Variants in GRIK1 observed in about 807,000 individuals in gnomAD.
The protein encoded by GRIK1 is glutamate ionotropic receptor kainate type subunit 1.
A neutral mutation model predicts 105.7 loss-of-function variants in GRIK1; 69 were observed. That is an observed-to-expected ratio of 0.65 (90% confidence interval 0.54 to 0.80). The LOEUF (loss-of-function observed/expected upper bound fraction) is 0.80, where lower values mean the gene tolerates loss of function less well. GRIK1 is among the 30% of genes least tolerant of loss of function. The pLI is 0.00. For missense variants in GRIK1, 1,109 were observed against 1,167.3 expected, an observed-to-expected ratio of 0.95 and a Z score of 0.73; for synonymous variants, 438 against 431.3, an observed-to-expected ratio of 1.02 and a Z score of -0.19.
intron 1 of GRIK1, among the ~76,000 whole-genome samples, chr21:29,821,361 G>A (rs2067301433): frequency 6.6e-6 from 1 of 152,050 alleles, no homozygotes; most frequent in African/African-American, 2.4e-5. Context: ...CACATATCAA[G>A]CAATTCAACT....
intron 14 of GRIK1, among the ~76,000 whole-genome samples, chr21:29,571,075 G>A (rs892227421): frequency 1.3e-5 from 2 of 152,074 alleles, no homozygotes; most frequent in Non-Finnish European, 2.9e-5. Flanking sequence ...ATTTCCACTG[G>A]GCGCAGTGGC....
At chr21:29,720,827 C>G (rs1172299844) in intron 1 of GRIK1, among the ~76,000 whole-genome samples, 2 of 152,100 alleles carry the variant, frequency 1.3e-5, no homozygotes, top group African/African-American at 4.8e-5. Flanking sequence ...TTATTTTACA[C>G]AAGCAGATAA....
intron 1 of GRIK1, among the ~76,000 whole-genome samples, chr21:29,867,212 G>A (rs2068831059): frequency 6.6e-6 from 1 of 152,068 alleles, no homozygotes; most frequent in Admixed American, 6.5e-5. Flanking sequence ...GTGTGGAGCT[G>A]CTTTAGTGAA....
chr21:29,859,876 A>G (rs1439276858), intron 1 of GRIK1, among the ~76,000 whole-genome samples: 1 of 152,190 alleles, frequency 6.6e-6, no homozygotes, highest in Non-Finnish European at 1.5e-5. Context: ...GCTTAGTTCT[A>G]TCTTATGTAA....
intron 1 of GRIK1, among the ~76,000 whole-genome samples, chr21:29,749,976 T>C (rs2145639537): frequency 1.3e-5 from 2 of 151,868 alleles, no homozygotes; most frequent in South Asian, 4.1e-4. Context: ...TATTTATTTT[T>C]ATTTATTTAT....
intron 1 of GRIK1, among the ~76,000 whole-genome samples, chr21:29,823,627 T>C (rs1273471526): frequency 6.6e-6 from 1 of 151,890 alleles, no homozygotes; most frequent in Non-Finnish European, 1.5e-5. Flanking sequence ...TTTAGACAAC[T>C]TGACCAAGGA....
intron 1 of GRIK1, among the ~76,000 whole-genome samples, chr21:29,772,976 G>A (rs1159643619): frequency 1.3e-5 from 2 of 152,018 alleles, no homozygotes; most frequent in African/African-American, 4.8e-5. Flanking sequence ...GCTCCATTTA[G>A]TAATACAGGG....
At chr21:29,773,625 G>A (rs1468151370) in intron 1 of GRIK1, among the ~76,000 whole-genome samples, 1 of 152,016 alleles carries the variant, frequency 6.6e-6, no homozygotes, top group Non-Finnish European at 1.5e-5. Flanking sequence ...ATCTCTACAA[G>A]TCAGAGTCGG....
intron 1 of GRIK1, among the ~76,000 whole-genome samples, chr21:29,859,106 G>C (rs547604022): frequency 1.7e-3 from 259 of 150,808 alleles, no homozygotes; most frequent in Non-Finnish European, 2.6e-3. Flanking sequence ...GCAAACTATC[G>C]CAAGGACGAA....
intron 1 of GRIK1, among the ~76,000 whole-genome samples, chr21:29,751,495 G>A (rs1416035665): frequency 6.6e-6 from 1 of 152,150 alleles, no homozygotes; most frequent in Non-Finnish European, 1.5e-5. Context: ...TGCTGCTAAA[G>A]GTTTACCATG....
intron 1 of GRIK1, among the ~76,000 whole-genome samples, chr21:29,782,191 A>G (rs113312678): frequency 0.044 from 6,492 of 146,156 alleles, 198 homozygotes; most frequent in Non-Finnish European, 0.067. Flanking sequence ...GGTTCACGCC[A>G]TTCTCCTGCC....
chr21:29,792,104 T>C (rs146093667), intron 1 of GRIK1, among the ~76,000 whole-genome samples: 120 of 152,262 alleles, frequency 7.9e-4, no homozygotes, highest in African/African-American at 2.8e-3. Context: ...GTTATGTGTG[T>C]GTGTATATAG....
rs368443690 is a variant in GRIK1, at chr21:29,891,382, G to A, written c.118+48001C>T. 2.0e-4 allele frequency among the ~76,000 whole-genome samples: 31 copies of A among 152,276 alleles called. No individual in the cohort carries two copies. The East Asian group carries it at 4.6e-3, about 23-fold the overall frequency. On this transcript the variant is annotated intron_variant, in intron 1 of 17. Transcript: ENST00000327783. The stretch of plus-strand genomic sequence containing the variant: ...AGTCTATACCCTGTGTAGGAAGGCA[G>A]CCAAGTACTTTATCAACATGCTTTT...
intron 2 of GRIK1, 30 bp from the exon 3 acceptor site, chr21:29,690,015 G>A: frequency 6.8e-7 from 1 of 1,473,468 alleles, no homozygotes; most frequent in Non-Finnish European, 9.4e-7. Flanking sequence ...AGAGGATGGG[G>A]AGGGAGGGCA....
intron 1 of GRIK1, among the ~76,000 whole-genome samples, chr21:29,758,176 C>T (rs944548111): frequency 2.0e-5 from 3 of 152,128 alleles, no homozygotes; most frequent in Admixed American, 1.3e-4. Context: ...CATTGCATGC[C>T]AAAGAGGAAA....
At chr21:29,789,586 C>G (rs2066356311) in intron 1 of GRIK1, among the ~76,000 whole-genome samples, 1 of 152,200 alleles carries the variant, frequency 6.6e-6, no homozygotes, top group Non-Finnish European at 1.5e-5. Context: ...CTTTGAATTG[C>G]TTTCATACCT....
At chr21:29,848,694 G>A (rs571999774) in intron 1 of GRIK1, among the ~76,000 whole-genome samples, 5 of 145,620 alleles carry the variant, frequency 3.4e-5, no homozygotes, top group East Asian at 4.0e-4. Flanking sequence ...TTTGCATACC[G>A]TTTATTACAT....
At chr21:29,574,464 C>T (rs551930238) in intron 14 of GRIK1, among the ~76,000 whole-genome samples, 93 of 152,246 alleles carry the variant, frequency 6.1e-4, no homozygotes, top group African/African-American at 2.1e-3. Context: ...TGCCAGTGCC[C>T]CTCTGTCCTG....
intron 14 of GRIK1, among the ~76,000 whole-genome samples, chr21:29,570,275 G>A (rs746606590): frequency 1.2e-4 from 18 of 152,236 alleles, no homozygotes; most frequent in East Asian, 1.2e-3. Context: ...GGCCGAAGCC[G>A]GTGGATTACA....
Sources: allele counts gnomAD v4.1 joint callset (sites outside exome capture counted in the v4.1 genomes callset), GRCh38; gene constraint gnomAD v4.1.1; transcripts MANE v1.5; gene names NCBI Gene and HGNC (gene_info 2026-07-23, HGNC 2026-07-21).